The following CBFB variants were observed in gnomAD, a reference collection of about 807,000 sequenced individuals.
CBFB encodes CBF-beta.
In CBFB, 9 loss-of-function variants were observed where a neutral mutation model predicts 30.4. The observed-to-expected ratio is 0.30, with a 90% CI of 0.18 to 0.52. The LOEUF (loss-of-function observed/expected upper bound fraction) is 0.52, where lower values mean the gene tolerates loss of function less well. Ranked by LOEUF, CBFB falls within the 20% of genes least tolerant of loss-of-function variation. The pLI is 0.97. For synonymous variants in CBFB, 94 were observed against 84.0 expected (o/e 1.12, Z -0.65); for missense variants, 170 against 244.0 (o/e 0.70, Z 2.02).
rs1211527444 is a variant in CBFB at position 67,082,066 on chromosome 16, G to A, written c.400-147G>A. The A allele has an allele frequency of 1.2e-5, 5 of 424,338 alleles. No individual in the cohort carries two copies. In the South Asian group the frequency reaches 1.3e-4, roughly 11 times the overall value. The allele number at this position is 424,338 out of a possible 1,614,324, so 26.3% of individuals were successfully genotyped here. On this transcript the variant is annotated intron_variant, in intron 4 of 5. Coordinates refer to ENST00000412916, the MANE Select transcript of CBFB (RefSeq NM_022845.3). ...ACTCCTGACCTCAAGTGATCTGCCC[G>A]CCTCGGCCTCCCAAAGTGCTGAGAT...
chr16:67,061,225 T>C (rs1409174116), intron 3 of CBFB, among the ~76,000 whole-genome samples: 3 of 152,268 alleles, frequency 2.0e-5, no homozygotes, highest in African/African-American at 7.2e-5. Context: ...GTAGTCACTT[T>C]TTAACCTGCT....
At chr16:67,085,230 C>T (rs1347575183) in intron 5 of CBFB, among the ~76,000 whole-genome samples, 3 of 149,338 alleles carry the variant, frequency 2.0e-5, no homozygotes, top group African/African-American at 7.4e-5. Context: ...AGTGCAGTGG[C>T]ACAATGTCGG....
chr16:67,078,648 A>G (rs1450484705), intron 4 of CBFB, among the ~76,000 whole-genome samples: 1 of 151,990 alleles, frequency 6.6e-6, no homozygotes, highest in African/African-American at 2.4e-5. Flanking sequence ...TAATAATGAT[A>G]CTTTTTATTC....
At chr16:67,078,484 T>TGCA (rs1961468225) in intron 4 of CBFB, among the ~76,000 whole-genome samples, 2 of 152,072 alleles carry the variant, frequency 1.3e-5, no homozygotes, top group African/African-American at 4.8e-5. Flanking sequence ...AGGTTGAGGC[T>TGCA]GCAGTGAGCT....
intron 3 of CBFB, among the ~76,000 whole-genome samples, chr16:67,055,357 C>CTTTCTTTTTTTTTT (rs1484285498): frequency 1.8e-4 from 15 of 81,466 alleles, no homozygotes; most frequent in African/African-American, 8.1e-4. Context: ...CAGACACTTT[C>CTTTCTTTTTTTTTT]TTTTTTTTTT....
chr16:67,062,612 T>C (rs1453701031), intron 3 of CBFB, among the ~76,000 whole-genome samples: 1 of 151,204 alleles, frequency 6.6e-6, no homozygotes, highest in African/African-American at 2.4e-5. Context: ...GCCAACATGG[T>C]GAAACCCCGT....
intron 4 of CBFB, among the ~76,000 whole-genome samples, chr16:67,069,511 C>T (rs2145754374): frequency 6.6e-6 from 1 of 152,152 alleles, no homozygotes; most frequent in African/African-American, 2.4e-5. Flanking sequence ...CACGTATTAA[C>T]ATAAATGTAA....
chr16:67,079,397 A>G (rs1567620693), intron 4 of CBFB, among the ~76,000 whole-genome samples: 1 of 152,112 alleles, frequency 6.6e-6, no homozygotes. Context: ...TTTGAGTATT[A>G]GAAAACCCCA....
At chr16:67,071,910 A>C (rs974423167) in intron 4 of CBFB, among the ~76,000 whole-genome samples, 1 of 152,278 alleles carries the variant, frequency 6.6e-6, no homozygotes, top group Non-Finnish European at 1.5e-5. Flanking sequence ...GCCCTCTTTC[A>C]CTGGGCTGGA....
chr16:67,031,537 T>C (rs1966347768), intron 2 of CBFB, among the ~76,000 whole-genome samples: 1 of 152,134 alleles, frequency 6.6e-6, no homozygotes, highest in Non-Finnish European at 1.5e-5. Flanking sequence ...TGAGACGGAG[T>C]CTCGCTCTGT....
chr16:67,060,294 T>C (rs1003409680), intron 3 of CBFB, among the ~76,000 whole-genome samples: 2 of 152,156 alleles, frequency 1.3e-5, no homozygotes, highest in African/African-American at 2.4e-5. Context: ...GACAGCTCAT[T>C]GAGATACAAT....
Position 67,036,662 on chromosome 16 carries a change from T to C in CBFB, c.189T>C (p.Asn63=). The C allele has an allele frequency of 6.2e-7, 1 of 1,613,334 alleles. No homozygotes were observed. The highest frequency in any genetic ancestry group is 1.1e-5 in the South Asian group (1 of 91,068). ...SEIAFVATGT[N]LSLQFFPASW... ...AGGCTTTTGTGGCCACAGGAACCAATCTGTCTCTCCAGTTTTTTCCGGCCA... is the reference window on the plus strand; with the variant it reads ...AGGCTTTTGTGGCCACAGGAACCAACCTGTCTCTCCAGTTTTTTCCGGCCA... Residue 63 remains asparagine (N), a synonymous_variant, in exon 3 of 6, where the codon AAT becomes AAC. Coordinates refer to ENST00000412916, the MANE Select transcript of CBFB (RefSeq NM_022845.3).
chr16:67,043,261 T>G (rs1355947468), intron 3 of CBFB, among the ~76,000 whole-genome samples: 1 of 152,154 alleles, frequency 6.6e-6, no homozygotes, highest in East Asian at 1.9e-4. Context: ...TTTAGCGAAC[T>G]CAGAAAAAAT....
At chr16:67,054,393 C>T (rs140295319) in intron 3 of CBFB, among the ~76,000 whole-genome samples, 4 of 152,132 alleles carry the variant, frequency 2.6e-5, no homozygotes, top group East Asian at 1.9e-4. Context: ...CCAATTTCCC[C>T]GTCTTTGGAA....
intron 5 of CBFB, among the ~76,000 whole-genome samples, chr16:67,093,185 A>G (rs775837209): frequency 1.3e-5 from 2 of 152,074 alleles, no homozygotes; most frequent in Admixed American, 6.6e-5. Context: ...GGATCAAGTA[A>G]TTGTTCCACC....
Position 67,072,654 on chromosome 16 carries a change from C to T in CBFB, c.399+5856C>T, listed in dbSNP as rs372428407. 5.5e-3 allele frequency among the ~76,000 whole-genome samples: 838 copies of T among 151,636 alleles called. 8 individuals are homozygous for T. The highest frequency in any genetic ancestry group is 0.02 in the South Asian group (98 of 4,798). On this transcript the variant is annotated intron_variant, in intron 4 of 5. Transcript: ENST00000412916. Reference sequence around the variant, plus strand: ...GCTAATTTTGTATTTTTAGTAGAGACGGGGTTTCTCCATGTTGGTCAGGCT... The same window carrying T: ...GCTAATTTTGTATTTTTAGTAGAGATGGGGTTTCTCCATGTTGGTCAGGCT...
intron 3 of CBFB, among the ~76,000 whole-genome samples, chr16:67,048,021 A>G (rs1966660492): frequency 6.6e-6 from 1 of 152,166 alleles, no homozygotes; most frequent in Non-Finnish European, 1.5e-5. Flanking sequence ...GTGAGCCAAG[A>G]TCGCGCCACT....
At chr16:67,036,607 C>G (rs779296364) in intron 2 of CBFB, 32 bp from the exon 3 acceptor site, 11 of 1,202,912 alleles carry the variant, frequency 9.1e-6, no homozygotes, top group Admixed American at 5.1e-5. Context: ...ATGTCCTGCT[C>G]CTGATCCTGT....
chr16:67,095,625 T>C (rs916965194), intron 5 of CBFB, among the ~76,000 whole-genome samples: 1 of 148,772 alleles, frequency 6.7e-6, no homozygotes, highest in Non-Finnish European at 1.5e-5. Flanking sequence ...GGCTGTAGGG[T>C]GCTATGTTTG....
Sources: allele counts gnomAD v4.1 joint callset (sites outside exome capture counted in the v4.1 genomes callset), GRCh38; gene constraint gnomAD v4.1.1; transcripts MANE v1.5; gene names NCBI Gene and HGNC (gene_info 2026-07-23, HGNC 2026-07-21).